The following SLC45A1 variants were observed in gnomAD, a reference collection of about 807,000 sequenced individuals.
SLC45A1 encodes the protein proton-associated sugar transporter A.
Under a neutral mutation model 57.6 loss-of-function variants are expected in SLC45A1, and 28 were observed. The observed-to-expected ratio is 0.49, with a 90% CI of 0.36 to 0.67. The LOEUF (loss-of-function observed/expected upper bound fraction) is 0.67, where lower values mean the gene tolerates loss of function less well. Among genes scored for constraint, SLC45A1 ranks in the 30% least tolerant of loss-of-function variants. SLC45A1 has a pLI of 0.00. For synonymous variants in SLC45A1, 459 were observed against 471.5 expected (o/e 0.97, Z 0.34); for missense variants, 814 against 1,041.5 (o/e 0.78, Z 3.01).
intron 8 of SLC45A1, among the ~76,000 whole-genome samples, chr1:8,342,712 A>T (rs555371098): frequency 6.6e-6 from 1 of 152,326 alleles, no homozygotes; most frequent in African/African-American, 2.4e-5. Flanking sequence ...TCTGGGCAAC[A>T]TAGTCAGACC....
rs769136581 is a variant in SLC45A1, at chr1:8,324,472, G to A, written c.143G>A (p.Arg48Gln). ...HLSHRANNFK[R>Q]HPKRRKCIRP... ...AGTCACCGGGCCAACAACTTCAAAC[G>A]ACACCCCAAGAGGAGGAAGTGCATT... Residue 48 changes from arginine (R) to glutamine (Q), a missense_variant, in exon 2 of 9, where the codon CGA becomes CAA. Coordinates refer to ENST00000471889, the MANE Select transcript of SLC45A1 (RefSeq NM_001080397.3). The A allele has an allele frequency of 1.7e-5, 27 of 1,612,570 alleles. No homozygotes were observed. The African/African-American group carries it at 1.9e-4, about 11-fold the overall frequency.
rs1640173622 is a variant in SLC45A1 at position 8,325,616 on chromosome 1, T to C, written c.491-202T>C. ...TTGAGTTGATAAAGTTCATCTCATTTCTTCTCTGCTTAATGAAATAAAAAC... is the reference window on the plus strand; with the variant it reads ...TTGAGTTGATAAAGTTCATCTCATTCCTTCTCTGCTTAATGAAATAAAAAC... On this transcript the variant is annotated intron_variant, in intron 3 of 8. Transcript: ENST00000471889. This position sits in a 1 kb window ranked among gnomAD's most constrained non-coding sequence, Gnocchi z 6.3. 1.3e-5 allele frequency among the ~76,000 whole-genome samples: 2 copies of C among 152,172 alleles called. No individual in the cohort carries two copies. The highest frequency in any genetic ancestry group is 4.8e-5 in the African/African-American group (2 of 41,436).
chr1:8,341,248 T>C (rs1291872424), intron 8 of SLC45A1, among the ~76,000 whole-genome samples: 1 of 147,996 alleles, frequency 6.8e-6, no homozygotes, highest in African/African-American at 2.5e-5. Flanking sequence ...GAAATTTCAC[T>C]TCACAGCCGG....
chr1:8,332,669 G>A (rs557386940), intron 5 of SLC45A1, among the ~76,000 whole-genome samples: 5 of 151,870 alleles, frequency 3.3e-5, no homozygotes, highest in African/African-American at 1.2e-4. Context: ...CCACCACCAC[G>A]CCCGGCTAAT....
Position 8,335,387 on chromosome 1 carries a change from G to A in SLC45A1, c.1444-50G>A. On this transcript the variant is annotated intron_variant, in intron 5 of 8. Transcript: ENST00000471889. This position sits in a 1 kb window ranked among gnomAD's most constrained non-coding sequence, Gnocchi z 4.1. ...CCCTGAGCAGAGCAGGGTCTGCGCT[G>A]TGTGATGGGGGTGCGGGGCTCTGAT... 1 of 1,534,766 alleles carries A rather than the reference G, an allele frequency of 6.5e-7. No individual in the cohort carries two copies. The highest frequency in any genetic ancestry group is 8.7e-7 in the Non-Finnish European group (1 of 1,143,360).
Position 8,343,626 on chromosome 1 carries a change from A to G in SLC45A1, c.1981-121A>G. On this transcript the variant is annotated intron_variant, in intron 8 of 8. Transcript: ENST00000471889. This position sits in a 1 kb window ranked among gnomAD's most constrained non-coding sequence, Gnocchi z 7.7. ...AACTCCCTGTGCATGTTGGCGCTGA[A>G]AAATGTGAGGCCGCTGTGTGTGGGC... 1 of 1,103,796 alleles carries G rather than the reference A, an allele frequency of 9.1e-7. No individual in the cohort carries two copies. The highest frequency in any genetic ancestry group is 1.3e-6 in the Non-Finnish European group (1 of 773,472). The allele number at this position is 1,103,796 out of a possible 1,614,324, so 68.4% of individuals were successfully genotyped here. A position where few individuals can be genotyped will look rare whatever the true frequency, so the allele number is the denominator to read the frequency against.
intron 7 of SLC45A1, among the ~76,000 whole-genome samples, chr1:8,338,262 G>A (rs1250928079): frequency 6.6e-6 from 1 of 152,202 alleles, no homozygotes; most frequent in Non-Finnish European, 1.5e-5. Flanking sequence ...GCCATAGCGA[G>A]GGCGAAGTGG....
chr1:8,337,402 G>A (rs972401224), intron 6 of SLC45A1, among the ~76,000 whole-genome samples: 8 of 152,106 alleles, frequency 5.3e-5, no homozygotes, highest in African/African-American at 1.2e-4. Context: ...TATCAGAAAC[G>A]AACACAATTT....
chr1:8,334,648 A>G (rs541154931), intron 5 of SLC45A1, among the ~76,000 whole-genome samples: 49 of 152,244 alleles, frequency 3.2e-4, no homozygotes, highest in African/African-American at 1.2e-3. Context: ...GGCTGCAGTG[A>G]GCCATGACCG....
intron 8 of SLC45A1, among the ~76,000 whole-genome samples, chr1:8,341,149 G>A (rs1210463700): frequency 7.1e-6 from 1 of 140,472 alleles, no homozygotes; most frequent in Non-Finnish European, 1.6e-5. Flanking sequence ...CCGAGATGGC[G>A]AGATGGTGCC....
chr1:8,344,149 A>C lies in SLC45A1; in HGVS notation c.*136A>C. 21 of 809,214 alleles carry C rather than the reference A, an allele frequency of 2.6e-5. No homozygotes were observed. Among genetic ancestry groups the C allele is most frequent in the Non-Finnish European group, 3.7e-5 (20 of 546,776 alleles). The allele number at this position is 809,214 out of a possible 1,614,324, so 50.1% of individuals were successfully genotyped here. On this transcript the variant is annotated 3_prime_UTR_variant, in exon 9 of 9. Transcript: ENST00000471889. The stretch of plus-strand genomic sequence containing the variant: ...ATGTAAATATGTGATAAAATAATAA[A>C]TGACAGCGGCAAAGCCTATGGTTTC...
intron 1 of SLC45A1, among the ~76,000 whole-genome samples, 179 bp downstream of exon 1, chr1:8,318,365 C>T (rs1178905756): frequency 6.6e-6 from 1 of 152,214 alleles, no homozygotes; most frequent in Non-Finnish European, 1.5e-5. Flanking sequence ...CCCCGTCTCG[C>T]CCCTCCGAGG....
At position 8,324,424 on chromosome 1, in the gene SLC45A1, C is replaced by T. The variant is rs538324907; in HGVS notation, c.95C>T (p.Ser32Leu). The change falls in exon 2 of 9, where the codon TCG becomes TTG. Residue 32 changes from serine to leucine, a missense_variant. Physicochemically the swap from Ser to Leu is moderately radical, Grantham distance 145 (BLOSUM62 -2). Transcript: ENST00000471889. Reference protein sequence around the residue: ...DFWRSQVTGYSGSVTRHLSHR... With the variant: ...DFWRSQVTGYLGSVTRHLSHR... ...TGGAGGTCCCAGGTCACGGGCTACTCGGGGTCCGTGACACGACACCTCAGT... is the reference window on the plus strand; with the variant it reads ...TGGAGGTCCCAGGTCACGGGCTACTTGGGGTCCGTGACACGACACCTCAGT... 7 of 1,612,616 alleles carry T rather than the reference C, an allele frequency of 4.3e-6. No homozygotes were observed. Among genetic ancestry groups the T allele is most frequent in the Admixed American group, 1.7e-5 (1 of 60,010 alleles).
Position 8,335,723 on chromosome 1 carries a change from A to C in SLC45A1, c.1597+133A>C. 3 of 1,031,022 alleles carry C rather than the reference A, an allele frequency of 2.9e-6. No individual in the cohort carries two copies. The highest frequency in any genetic ancestry group is 4.1e-6 in the Non-Finnish European group (3 of 738,966). 63.9% of individuals were successfully genotyped at this position (1,031,022 alleles called of 1,614,324 possible). ...TTCACCAGCCCCCAACAACAGCACC[A>C]AGGGCAGGCCTGGGGTGTGGTGGCT... On this transcript the variant is annotated intron_variant, in intron 6 of 8. Transcript: ENST00000471889. The surrounding 1 kb of genome is among the most constrained non-coding windows in gnomAD (Gnocchi z 4.1).
At chr1:8,318,316 C>T in intron 1 of SLC45A1, 130 bp downstream of exon 1, 1 of 394,632 alleles carries the variant, frequency 2.5e-6, no homozygotes, top group Non-Finnish European at 4.5e-6. Flanking sequence ...ACCTTTGTTC[C>T]TCGTGGAAGT....
intron 4 of SLC45A1, among the ~76,000 whole-genome samples, chr1:8,329,686 T>C (rs1640317014): frequency 6.6e-6 from 1 of 152,144 alleles, no homozygotes; most frequent in African/African-American, 2.4e-5. Flanking sequence ...GGCTGATAGC[T>C]CAGAGATCGG....
intron 4 of SLC45A1, among the ~76,000 whole-genome samples, chr1:8,329,776 G>A (rs911175445): frequency 3.9e-5 from 6 of 152,246 alleles, no homozygotes; most frequent in African/African-American, 1.4e-4. Context: ...GGTGTTCTGT[G>A]CATGGGGACA....
rs2124318362 is a variant in SLC45A1 at position 8,336,652 on chromosome 1, G to T, written c.1597+1062G>T. Among the ~76,000 whole-genome samples the T allele has an allele frequency of 2.6e-5, 4 of 152,276 alleles. 1 individual carries two copies. Among genetic ancestry groups the T allele is most frequent in the Admixed American group, 2.6e-4 (4 of 15,294 alleles). On this transcript the variant is annotated intron_variant, in intron 6 of 8. Transcript: ENST00000471889. Reference sequence around the variant, plus strand: ...CAGACAGCCACAGACTGCGATTGGGGGATAGAGATGTCCAACAGTTGGGGA... The same window carrying T: ...CAGACAGCCACAGACTGCGATTGGGTGATAGAGATGTCCAACAGTTGGGGA...
At position 8,330,882 on chromosome 1, in the gene SLC45A1, C is replaced by T. The variant is rs749529510; in HGVS notation, c.1389C>T (p.Ala463=). Residue 463 remains alanine (A), a synonymous_variant, in exon 5 of 9, where the codon GCC becomes GCT. Coordinates refer to ENST00000471889, the MANE Select transcript of SLC45A1 (RefSeq NM_001080397.3). The surrounding 1 kb of genome is among the most constrained non-coding windows in gnomAD (Gnocchi z 8.4). ...RPQTLAIPDA[A]GGGGPETSRR... ...AGACCTTGGCCATCCCGGACGCAGC[C>T]GGAGGAGGGGGTCCCGAAACCAGCA... 2.4e-5 allele frequency: 38 copies of T among 1,604,268 alleles called. No individual in the cohort carries two copies. The highest frequency in any genetic ancestry group is 3.3e-4 in the Middle Eastern group (2 of 6,026).
Sources: allele counts gnomAD v4.1 joint callset (sites outside exome capture counted in the v4.1 genomes callset), GRCh38; gene constraint gnomAD v4.1.1; non-coding constraint Gnocchi (gnomAD v3.1); transcripts MANE v1.5; gene names NCBI Gene and HGNC (gene_info 2026-07-23, HGNC 2026-07-21).